The following TIPARP variants were observed in gnomAD, a reference collection of about 807,000 sequenced individuals.
TIPARP encodes protein mono-ADP-ribosyltransferase TIPARP.
TIPARP carries 12 observed loss-of-function variants against 56.5 expected under a neutral mutation model. That is an observed-to-expected ratio of 0.21 (90% CI 0.14 to 0.34). TIPARP has a LOEUF of 0.34. Ranked by LOEUF, TIPARP falls within the 10% of genes least tolerant of loss-of-function variation. The pLI is 1.00. For missense variants in TIPARP, 604 were observed against 781.6 expected (o/e 0.77, Z 2.71); for synonymous variants, 296 against 265.7 (o/e 1.11, Z -1.11).
rs1246418367 is a variant in TIPARP, at chr3:156,705,145, T to G, written c.*14T>G. Reference sequence around the variant, plus strand: ...GTTTCCATTTGAAAAATCTTGGTACTGCTAAATTATTTGATATGAACTCAA... The same window carrying G: ...GTTTCCATTTGAAAAATCTTGGTACGGCTAAATTATTTGATATGAACTCAA... On this transcript the variant is annotated 3_prime_UTR_variant, in exon 6 of 6. Coordinates refer to ENST00000295924, the MANE Select transcript of TIPARP (RefSeq NM_015508.5). The G allele has an allele frequency of 1.3e-6, 2 of 1,553,260 alleles. No individual in the cohort carries two copies. The highest frequency in any genetic ancestry group is 2.7e-5 in the African/African-American group (2 of 72,774).
Position 156,703,412 on chromosome 3 carries a change from T to G in TIPARP, c.1248-12T>G. On this transcript the variant is annotated splice_polypyrimidine_tract_variant and intron_variant, in intron 4 of 5. Transcript: ENST00000295924. ...AATGTTTTACATTGATGTTTCTTCC[T>G]CTCCATTTTAGGACACTTGGTGGGG... 6.2e-7 allele frequency: 1 copy of G among 1,612,356 alleles called. No homozygotes were observed.
intron 4 of TIPARP, among the ~76,000 whole-genome samples, chr3:156,702,057 G>C (rs889012142): frequency 1.4e-5 from 2 of 145,778 alleles, no homozygotes; most frequent in Non-Finnish European, 3.1e-5. Context: ...GGTGGTGGTG[G>C]TGGTGGTGGT....
intron 4 of TIPARP, among the ~76,000 whole-genome samples, chr3:156,697,645 T>G (rs964254884): frequency 6.6e-6 from 1 of 152,184 alleles, no homozygotes; most frequent in African/African-American, 2.4e-5. Context: ...TGCTGTATTT[T>G]CAACAGCATG....
At chr3:156,695,716 CTTAGCATATA>C (rs1722695539) in intron 3 of TIPARP, 139 bp from the exon 4 acceptor site, 1 of 1,115,998 alleles carries the variant, frequency 9.0e-7, no homozygotes, top group African/African-American at 1.6e-5. Context: ...GAAAAAAAAT[CTTAGCATATA>C]AAGGGAGTTA....
In TIPARP at chr3:156,678,492, A is replaced by G. The variant is rs1452970248; in HGVS notation, c.795A>G (p.Pro265=). The G allele has an allele frequency of 3.1e-6, 5 of 1,614,110 alleles. No individual in the cohort carries two copies. Among genetic ancestry groups the G allele is most frequent in the Admixed American group, 1.7e-5 (1 of 60,012 alleles). The part of the protein sequence containing the change: ...RDCLKHHTVL[P]YHWQIKRTTT... The stretch of plus-strand genomic sequence containing the variant: ...GTTTGAAGCACCACACTGTCTTGCC[A>G]TATCATTGGCAGATCAAAAGGACAA... Residue 265 remains proline (P), a synonymous_variant, in exon 2 of 6, where the codon CCA becomes CCG. Transcript: ENST00000295924.
At chr3:156,699,464 T>A (rs1279010348) in intron 4 of TIPARP, among the ~76,000 whole-genome samples, 1 of 152,214 alleles carries the variant, frequency 6.6e-6, no homozygotes, top group Non-Finnish European at 1.5e-5. Flanking sequence ...TTACTATGAC[T>A]CACCAAAGGC....
At chr3:156,695,372 C>A (rs1006279395) in intron 3 of TIPARP, among the ~76,000 whole-genome samples, 1 of 152,014 alleles carries the variant, frequency 6.6e-6, no homozygotes, top group Admixed American at 6.6e-5. Flanking sequence ...TGCCACCATA[C>A]TCAACTAATT....
At position 156,703,713 on chromosome 3, in the gene TIPARP, T is replaced by C. The variant is rs1042154755; in HGVS notation, c.1526+11T>C. On this transcript the variant is annotated intron_variant, in intron 5 of 5. Coordinates refer to ENST00000295924, the MANE Select transcript of TIPARP (RefSeq NM_015508.5). ...GGAGAAATATAAAAGGTGAGTCAGA[T>C]GTATGAAAAGTTCAAGACGGCCGGG... 2 of 1,603,420 alleles carry C rather than the reference T, an allele frequency of 1.2e-6. No homozygotes were observed. The highest frequency in any genetic ancestry group is 1.3e-5 in the African/African-American group (1 of 74,564).
At chr3:156,690,786 C>T (rs1038246522) in intron 2 of TIPARP, among the ~76,000 whole-genome samples, 1 of 152,034 alleles carries the variant, frequency 6.6e-6, no homozygotes, top group African/African-American at 2.4e-5. Context: ...TCTTTTTTGG[C>T]TGTCCCTCAG....
rs746495291 is a variant in TIPARP, at chr3:156,678,513, G to C, written c.816G>C (p.Arg272Ser). 6.2e-7 allele frequency: 1 copy of C among 1,614,170 alleles called. No individual in the cohort carries two copies. The highest frequency in any genetic ancestry group is 1.3e-5 in the African/African-American group (1 of 75,032). Residue 272 changes from arginine (R) to serine (S), a missense_variant, in exon 2 of 6, where the codon AGG (arginine) becomes AGC (serine). Around this residue, in one of 4 missense-constraint regions of TIPARP, gnomAD observed 252 missense variants for 303.9 expected, o/e 0.83. Transcript: ENST00000295924. ...TVLPYHWQIK[R>S]TTTQKWQSVF... ...TGCCATATCATTGGCAGATCAAAAG[G>C]ACAACTACTCAAAAGTGGCAGAGTG...
chr3:156,675,120 C>T (rs1177044734), intron 1 of TIPARP: 1 of 152,310 alleles, frequency 6.6e-6, no homozygotes, highest in Non-Finnish European at 1.5e-5. Flanking sequence ...GTCTATGCGG[C>T]CTCCCCCGCG....
intron 2 of TIPARP, among the ~76,000 whole-genome samples, chr3:156,684,316 G>A (rs576094745): frequency 1.4e-4 from 21 of 152,266 alleles, no homozygotes; most frequent in African/African-American, 4.1e-4. Context: ...TTCTGGGTTT[G>A]AAATAGGTGA....
At chr3:156,696,838 T>G (rs1357643982) in intron 4 of TIPARP, among the ~76,000 whole-genome samples, 2 of 152,226 alleles carry the variant, frequency 1.3e-5, no homozygotes, top group Non-Finnish European at 2.9e-5. Context: ...TTTATGAACT[T>G]TAGAAGTCTA....
At chr3:156,694,994 A>G (rs1382633870) in intron 3 of TIPARP, among the ~76,000 whole-genome samples, 1 of 152,172 alleles carries the variant, frequency 6.6e-6, no homozygotes, top group African/African-American at 2.4e-5. Flanking sequence ...AGTTTAAGTA[A>G]TCACTAGTAT....
chr3:156,678,727 C>T (rs1722215549), intron 2 of TIPARP, 113 bp downstream of exon 2: 1 of 900,722 alleles, frequency 1.1e-6, no homozygotes, highest in Non-Finnish European at 1.6e-6. Context: ...TCTTTTTTTC[C>T]ACTATTATTC....
At chr3:156,691,518 C>T (rs1722573757) in intron 2 of TIPARP, among the ~76,000 whole-genome samples, 1 of 152,070 alleles carries the variant, frequency 6.6e-6, no homozygotes, top group Admixed American at 6.6e-5. Flanking sequence ...CCCAGTAGAG[C>T]CCACCATCAC....
In TIPARP at chr3:156,680,890, T is replaced by TA. The variant is rs373822532; in HGVS notation, c.917+2277dup. Among the ~76,000 whole-genome samples, 125 of 152,324 alleles carry TA rather than the reference T, an allele frequency of 8.2e-4. 2 individuals are homozygous for TA. The highest frequency in any genetic ancestry group is 2.5e-3 in the African/African-American group (106 of 41,576). ...AAAAGTGTGAGTGAAGTATTATAAT[T>TA]ACCATTGCTCCTACTACATTGTTAG... On this transcript the variant is annotated intron_variant, in intron 2 of 5. Coordinates refer to ENST00000295924, the MANE Select transcript of TIPARP (RefSeq NM_015508.5).
At chr3:156,694,849 T>G (rs1365146394) in intron 3 of TIPARP, among the ~76,000 whole-genome samples, 2 of 152,192 alleles carry the variant, frequency 1.3e-5, no homozygotes, top group Non-Finnish European at 2.9e-5. Context: ...GATCTGACTT[T>G]TTCAATTTAA....
chr3:156,681,086 T>G, intron 2 of TIPARP: 1 of 454,008 alleles, frequency 2.2e-6, no homozygotes, highest in Non-Finnish European at 4.4e-6. Context: ...GCAACCTGGT[T>G]TTCCTTGTAT....
Sources: allele counts gnomAD v4.1 joint callset (sites outside exome capture counted in the v4.1 genomes callset), GRCh38; gene constraint gnomAD v4.1.1; regional missense constraint gnomAD v4.1.1; transcripts MANE v1.5; gene names NCBI Gene and HGNC (gene_info 2026-07-23, HGNC 2026-07-21).